The following TNPO2 variants were observed in gnomAD, a reference collection of about 807,000 sequenced individuals.
TNPO2 encodes the protein transportin-2.
A neutral mutation model predicts 111.1 loss-of-function variants in TNPO2; 16 were observed. The observed-to-expected ratio is 0.14, with a 90% confidence interval of 0.10 to 0.22. The LOEUF is 0.22. Ranked by LOEUF, TNPO2 falls within the 10% of genes least tolerant of loss-of-function variation. TNPO2 has a pLI of 1.00. For synonymous variants in TNPO2, 481 were observed against 475.8 expected, an observed-to-expected ratio of 1.01 and a Z score of -0.14; for missense variants, 530 against 1,173.7, an observed-to-expected ratio of 0.45 and a Z score of 8.01.
chr19:12,710,729 G>C lies in TNPO2; in HGVS notation c.1162C>G (p.Arg388Gly). ...AGTAGGTGGGGCAGCAGTTCCTCCC[G>C]GAAGACATTGGCGAGGACGTCCAGT... ...AALDVLANVFREELLPHLLPL... is the reference protein window; with the variant it reads ...AALDVLANVFGEELLPHLLPL... The change falls in exon 13 of 26, where the codon CGG (arginine) becomes GGG (glycine). Residue 388 changes from arginine to glycine, a missense_variant. Around this residue, in one of 4 missense-constraint regions of TNPO2, gnomAD observed 88 missense variants for 130.2 expected, o/e 0.68. Coordinates refer to ENST00000425528, the MANE Select transcript of TNPO2 (RefSeq NM_001382241.1). 1 of 1,613,372 alleles carries C rather than the reference G, an allele frequency of 6.2e-7. No individual in the cohort carries two copies. Among genetic ancestry groups the C allele is most frequent in the Non-Finnish European group, 8.5e-7 (1 of 1,179,666 alleles).
chr19:12,707,244 G>A (rs755522279), intron 13 of TNPO2, among the ~76,000 whole-genome samples: 21 of 152,184 alleles, frequency 1.4e-4, no homozygotes, highest in Middle Eastern at 3.4e-3. Context: ...TGATCCACCC[G>A]CCCTGGCCTC....
intron 2 of TNPO2, among the ~76,000 whole-genome samples, chr19:12,722,738 G>C (rs141195115): frequency 1.4e-4 from 22 of 152,182 alleles, no homozygotes; most frequent in African/African-American, 5.3e-4. Context: ...ACAAGGTCCG[G>C]TCACGTGACC....
At chr19:12,704,441 T>C (rs752459579) in intron 18 of TNPO2, among the ~76,000 whole-genome samples, 36 of 152,306 alleles carry the variant, frequency 2.4e-4, no homozygotes, top group Middle Eastern at 3.4e-3. Context: ...CCTGTACACT[T>C]AGCATCATCT....
chr19:12,719,249 C>A lies in TNPO2; in HGVS notation c.175+12G>T, dbSNP rs1314683580. ...AGGGTCCCGATCGCATGGAAGGGAG[C>A]AGAGGGCGTACCTTCTGACTTGAGT... is the stretch of plus-strand genomic sequence containing the variant. On this transcript the variant is annotated intron_variant, in intron 4 of 25. Transcript: ENST00000425528. The surrounding 1 kb of genome is among the most constrained non-coding windows in gnomAD (Gnocchi z 5.0). 3.1e-6 allele frequency: 5 copies of A among 1,613,894 alleles called. No homozygotes were observed. The South Asian group carries it at 5.5e-5, about 18-fold the overall frequency.
rs114574613 is a variant in TNPO2 at position 12,702,326 on chromosome 19, T to C, written c.2306-149A>G. 1.1e-3 allele frequency: 770 copies of C among 697,466 alleles called. 4 individuals are homozygous for C. In the African/African-American group the frequency reaches 0.012, roughly 11 times the overall value. 43.2% of individuals were successfully genotyped at this position (697,466 alleles called of 1,614,324 possible). Reference sequence around the variant, plus strand: ...AGCCAGGGGTCCTCCTCATCACACCTGAGTCACTTCCCAGGTCTCTCTGCA... The same window carrying C: ...AGCCAGGGGTCCTCCTCATCACACCCGAGTCACTTCCCAGGTCTCTCTGCA... On this transcript the variant is annotated intron_variant, in intron 21 of 25. Coordinates refer to ENST00000425528, the MANE Select transcript of TNPO2 (RefSeq NM_001382241.1). This position sits in a 1 kb window ranked among gnomAD's most constrained non-coding sequence, Gnocchi z 5.5.
chr19:12,723,076 G>T (rs1476821041), intron 2 of TNPO2, among the ~76,000 whole-genome samples, 173 bp downstream of exon 2: 1 of 152,188 alleles, frequency 6.6e-6, no homozygotes, highest in Non-Finnish European at 1.5e-5. Context: ...CAAAGTAAGT[G>T]CCTGAGACAA....
Position 12,721,411 on chromosome 19 carries a change from G to A in TNPO2, c.-13-421C>T, listed in dbSNP as rs753004344. 13 of 759,190 alleles carry A rather than the reference G, an allele frequency of 1.7e-5. No homozygotes were observed. The highest frequency in any genetic ancestry group is 2.3e-5 in the Non-Finnish European group (12 of 513,066). 47.0% of individuals were successfully genotyped at this position (759,190 alleles called of 1,614,324 possible). A position where few individuals can be genotyped will look rare whatever the true frequency, so the allele number is the denominator to read the frequency against. The stretch of plus-strand genomic sequence containing the variant: ...AGACCGTGATAGCGCCCCGGCCCCC[G>A]TGGTCTCTTCTATGCAGGCACAGTC... On this transcript the variant is annotated intron_variant, in intron 2 of 25. Transcript: ENST00000425528. The surrounding 1 kb of genome is among the most constrained non-coding windows in gnomAD (Gnocchi z 4.9).
At chr19:12,718,534 C>T (rs1021526535) in intron 5 of TNPO2, among the ~76,000 whole-genome samples, 2 of 152,076 alleles carry the variant, frequency 1.3e-5, no homozygotes, top group Admixed American at 6.6e-5. Flanking sequence ...TTGAACTCAA[C>T]CTCTGGTGAT....
rs1024473723 is a variant in TNPO2 at position 12,699,498 on chromosome 19, C to G, written c.*1766G>C. 7.8e-5 allele frequency: 12 copies of G among 154,308 alleles called. No homozygotes were observed. The highest frequency in any genetic ancestry group is 3.0e-4 in the African/African-American group (12 of 40,420). 9.6% of individuals were successfully genotyped at this position (154,308 alleles called of 1,614,324 possible). A position where few individuals can be genotyped will look rare whatever the true frequency, so the allele number is the denominator to read the frequency against. On this transcript the variant is annotated 3_prime_UTR_variant, in exon 26 of 26. Transcript: ENST00000425528. The stretch of plus-strand genomic sequence containing the variant: ...AAAAAAAAAGGAAAACGAGAAGAAC[C>G]AGGCTCCCCTTCCCTGAAGGTGTTT...
chr19:12,716,742 T>C (rs2026384020), intron 5 of TNPO2, among the ~76,000 whole-genome samples: 1 of 152,046 alleles, frequency 6.6e-6, no homozygotes, highest in African/African-American at 2.4e-5. Context: ...AACTTTAAAT[T>C]GGGTGGCCAG....
In TNPO2 at chr19:12,721,475, T is replaced by A. The variant is rs1156788594; in HGVS notation, c.-13-485A>T. The stretch of plus-strand genomic sequence containing the variant: ...CTTCCCCCGACACTCTGCCCTTAAC[T>A]TCTGCCAGATCCCAGAGGCCTCCTG... On this transcript the variant is annotated intron_variant, in intron 2 of 25. Coordinates refer to ENST00000425528, the MANE Select transcript of TNPO2 (RefSeq NM_001382241.1). The surrounding 1 kb of genome is among the most constrained non-coding windows in gnomAD (Gnocchi z 4.9). 1 of 449,002 alleles carries A rather than the reference T, an allele frequency of 2.2e-6. No homozygotes were observed. Among genetic ancestry groups the A allele is most frequent in the African/African-American group, 2.1e-5 (1 of 46,994 alleles). 27.8% of individuals were successfully genotyped at this position (449,002 alleles called of 1,614,324 possible).
At position 12,719,800 on chromosome 19, in the gene TNPO2, A is replaced by G. The variant is rs1450874199; in HGVS notation, c.100-464T>C. Among the ~76,000 whole-genome samples the G allele has an allele frequency of 9.0e-6, 1 of 110,720 alleles. No individual in the cohort carries two copies. Among genetic ancestry groups the G allele is most frequent in the Non-Finnish European group, 1.6e-5 (1 of 63,714 alleles). 72.6% of individuals were successfully genotyped at this position (110,720 alleles called of 152,430 possible). On this transcript the variant is annotated intron_variant, in intron 3 of 25. Transcript: ENST00000425528. The surrounding 1 kb of genome is among the most constrained non-coding windows in gnomAD (Gnocchi z 5.0). ...GGCGACAGAGCAAGACTCCATCTTG[A>G]AAAAAAAAAAAATCATACAAGGAGT... is the stretch of plus-strand genomic sequence containing the variant.
rs1160166228 is a variant in TNPO2, at chr19:12,705,649, T to C, written c.1755+33A>G. ...GAGAACTCAGGCAGGGTGGGCAGGA[T>C]GGGTTTCGGGTGAGGGGCAGGAGCC... is the stretch of plus-strand genomic sequence containing the variant. On this transcript the variant is annotated intron_variant, in intron 16 of 25. Transcript: ENST00000425528. This position sits in a 1 kb window ranked among gnomAD's most constrained non-coding sequence, Gnocchi z 7.2. 10 of 1,565,716 alleles carry C rather than the reference T, an allele frequency of 6.4e-6. No individual in the cohort carries two copies. The highest frequency in any genetic ancestry group is 8.7e-6 in the Non-Finnish European group (10 of 1,153,576).
Position 12,702,964 on chromosome 19 carries a change from C to T in TNPO2, c.2210-46G>A. ...AGCCCTGCACAGCCCCCGCCACCCACAGGGGCCAGGGGGCCGCCCCACCTC... is the reference window on the plus strand; with the variant it reads ...AGCCCTGCACAGCCCCCGCCACCCATAGGGGCCAGGGGGCCGCCCCACCTC... On this transcript the variant is annotated intron_variant, in intron 20 of 25. Transcript: ENST00000425528. This position sits in a 1 kb window ranked among gnomAD's most constrained non-coding sequence, Gnocchi z 5.5. 1 of 1,565,316 alleles carries T rather than the reference C, an allele frequency of 6.4e-7. No individual in the cohort carries two copies. Among genetic ancestry groups the T allele is most frequent in the Non-Finnish European group, 8.8e-7 (1 of 1,139,480 alleles).
At position 12,715,618 on chromosome 19, in the gene TNPO2, T is replaced by C. The variant is rs767676764; in HGVS notation, c.432+15A>G. The C allele has an allele frequency of 5.3e-5, 86 of 1,613,636 alleles. No individual in the cohort carries two copies. The highest frequency in any genetic ancestry group is 1.3e-4 in the South Asian group (12 of 91,066). On this transcript the variant is annotated intron_variant, in intron 6 of 25. Coordinates refer to ENST00000425528, the MANE Select transcript of TNPO2 (RefSeq NM_001382241.1). This position sits in a 1 kb window ranked among gnomAD's most constrained non-coding sequence, Gnocchi z 7.1. ...CCCCAGTACTCGCTCTGGCCATCCA[T>C]GGCTTCTTGCCTACCTCACAAGTGT...
chr19:12,718,936 G>A, intron 5 of TNPO2, 93 bp downstream of exon 5: 1 of 1,494,476 alleles, frequency 6.7e-7, no homozygotes, highest in South Asian at 1.2e-5. Context: ...ACCATAGAGG[G>A]TGCCAGAGCA....
In TNPO2 at chr19:12,705,048, C is replaced by T. The variant is rs1286645478; in HGVS notation, c.2022+192G>A. On this transcript the variant is annotated intron_variant, in intron 18 of 25. Coordinates refer to ENST00000425528, the MANE Select transcript of TNPO2 (RefSeq NM_001382241.1). The surrounding 1 kb of genome is among the most constrained non-coding windows in gnomAD (Gnocchi z 7.2). ...TTTTAATTTTAGAACTGGGGTTTCA[C>T]TATGTTGCCCAGGCTGGTCTCAAAC... 6.6e-6 allele frequency among the ~76,000 whole-genome samples: 1 copy of T among 151,902 alleles called. No individual in the cohort carries two copies. Among genetic ancestry groups the T allele is most frequent in the African/African-American group, 2.4e-5 (1 of 41,324 alleles).
intron 3 of TNPO2, among the ~76,000 whole-genome samples, 187 bp downstream of exon 3, chr19:12,720,692 A>G (rs555474603): frequency 4.5e-4 from 68 of 152,146 alleles, no homozygotes; most frequent in Admixed American, 7.9e-4. Context: ...ATCATTTTCT[A>G]TAACAATCCC....
In TNPO2 at chr19:12,715,193, T is replaced by C. The variant is rs756396620; in HGVS notation, c.649-24A>G. 1.9e-6 allele frequency: 3 copies of C among 1,613,494 alleles called. No homozygotes were observed. The highest frequency in any genetic ancestry group is 2.7e-5 in the African/African-American group (2 of 74,882). On this transcript the variant is annotated intron_variant, in intron 8 of 25. Transcript: ENST00000425528. This position sits in a 1 kb window ranked among gnomAD's most constrained non-coding sequence, Gnocchi z 7.1. ...TGCTGCAGGGAGGAACAGGGTCAGT[T>C]GTAGGGGCCCTCAGTCCTCGCCCTG...
Sources: allele counts gnomAD v4.1 joint callset (sites outside exome capture counted in the v4.1 genomes callset), GRCh38; gene constraint gnomAD v4.1.1; regional missense constraint gnomAD v4.1.1; non-coding constraint Gnocchi (gnomAD v3.1); transcripts MANE v1.5; gene names NCBI Gene and HGNC (gene_info 2026-07-23, HGNC 2026-07-21).